The following CPNE8 variants were observed in gnomAD, a reference collection of about 807,000 sequenced individuals.
CPNE8 encodes the protein copine-8.
In CPNE8, 45 loss-of-function variants were observed where a neutral mutation model predicts 81.5. The observed-to-expected ratio is 0.55, with a 90% CI of 0.44 to 0.71. CPNE8 has a LOEUF of 0.71. CPNE8 is among the 30% of genes least tolerant of loss of function. The pLI is 0.00. For missense variants in CPNE8, 594 were observed against 672.1 expected (o/e 0.88, Z 1.28); for synonymous variants, 252 against 226.3 (o/e 1.11, Z -1.02).
intron 1 of CPNE8, among the ~76,000 whole-genome samples, chr12:38,894,667 C>G (rs1401342360): frequency 1.1e-4 from 1 of 8,998 alleles, no homozygotes; most frequent in Non-Finnish European, 2.9e-4. Context: ...CACTCTCTCT[C>G]TCTCTCTCTC....
chr12:38,674,360 C>A (rs1939242298), intron 18 of CPNE8, among the ~76,000 whole-genome samples: 1 of 152,086 alleles, frequency 6.6e-6, no homozygotes, highest in Non-Finnish European at 1.5e-5. Flanking sequence ...GTCTGAGAGA[C>A]CTGAGATATA....
intron 1 of CPNE8, among the ~76,000 whole-genome samples, chr12:38,895,371 G>A (rs1262135158): frequency 6.6e-6 from 1 of 151,854 alleles, no homozygotes; most frequent in African/African-American, 2.4e-5. Context: ...CAATTCCACT[G>A]GTAAATTTGA....
At chr12:38,896,445 A>G (rs1944390233) in intron 1 of CPNE8, among the ~76,000 whole-genome samples, 1 of 152,134 alleles carries the variant, frequency 6.6e-6, no homozygotes, top group Admixed American at 6.6e-5. Context: ...CCTTTTAAAT[A>G]CATCCTATTT....
At chr12:38,813,015 C>T (rs752104261) in intron 6 of CPNE8, among the ~76,000 whole-genome samples, 11 of 152,096 alleles carry the variant, frequency 7.2e-5, no homozygotes, top group African/African-American at 9.7e-5. Flanking sequence ...TGTGAGAATA[C>T]GGCCCACTGG....
intron 1 of CPNE8, among the ~76,000 whole-genome samples, chr12:38,901,714 C>CAAGGGGTT (rs1457455861): frequency 6.6e-6 from 1 of 152,142 alleles, no homozygotes; most frequent in Non-Finnish European, 1.5e-5. Context: ...CCCCTTAACA[C>CAAGGGGTT]AAATTTAAGT....
intron 10 of CPNE8, among the ~76,000 whole-genome samples, chr12:38,746,694 T>C (rs1941233230): frequency 6.6e-6 from 1 of 152,196 alleles, no homozygotes; most frequent in South Asian, 2.1e-4. Context: ...AAAACTAACA[T>C]ACATTGGAGA....
chr12:38,759,953 C>G (rs895793209), intron 10 of CPNE8, among the ~76,000 whole-genome samples: 1 of 152,132 alleles, frequency 6.6e-6, no homozygotes, highest in Non-Finnish European at 1.5e-5. Flanking sequence ...TTCAGGTATC[C>G]AGGCACTTTC....
intron 10 of CPNE8, among the ~76,000 whole-genome samples, chr12:38,760,457 G>C (rs182808974): frequency 6.8e-5 from 1 of 14,748 alleles, no homozygotes; most frequent in African/African-American, 2.0e-4. Context: ...ATATATGTGT[G>C]TGTATATAGG....
chr12:38,780,907 A>G (rs1461519098), intron 6 of CPNE8, among the ~76,000 whole-genome samples: 1 of 152,026 alleles, frequency 6.6e-6, no homozygotes, highest in African/African-American at 2.4e-5. Flanking sequence ...AGATGAAAAA[A>G]GAAAGAAGGA....
chr12:38,827,040 G>C (rs1033351009), intron 6 of CPNE8, among the ~76,000 whole-genome samples: 1 of 150,834 alleles, frequency 6.6e-6, no homozygotes, highest in Admixed American at 6.6e-5. Flanking sequence ...AAATTAGCAG[G>C]GTGCCACACG....
intron 10 of CPNE8, among the ~76,000 whole-genome samples, chr12:38,757,336 T>A (rs1297719993): frequency 6.6e-6 from 1 of 151,970 alleles, no homozygotes; most frequent in East Asian, 1.9e-4. Flanking sequence ...TTAAAAAATC[T>A]ACATTGGGCA....
intron 13 of CPNE8, among the ~76,000 whole-genome samples, chr12:38,703,214 C>A (rs1368060411): frequency 2.0e-5 from 3 of 152,082 alleles, no homozygotes; most frequent in African/African-American, 7.2e-5. Context: ...ACAAAGTAGT[C>A]AAACTGCAAA....
At chr12:38,788,150 A>G (rs1032013290) in intron 6 of CPNE8, among the ~76,000 whole-genome samples, 15 of 151,868 alleles carry the variant, frequency 9.9e-5, no homozygotes, top group African/African-American at 3.6e-4. Flanking sequence ...GCAGACAAAG[A>G]CACATCAAAA....
chr12:38,873,192 AG>A (rs1944017713), intron 2 of CPNE8, 142 bp from the exon 3 acceptor site: 2 of 568,322 alleles, frequency 3.5e-6, no homozygotes, highest in East Asian at 6.4e-5. Flanking sequence ...CAAAAAAAAA[AG>A]GCTAGTAAAT....
At chr12:38,849,297 C>A (rs564819145) in intron 3 of CPNE8, among the ~76,000 whole-genome samples, 31 of 152,278 alleles carry the variant, frequency 2.0e-4, no homozygotes, top group Non-Finnish European at 4.0e-4. Flanking sequence ...AAAAAATATT[C>A]CACTTTCTAG....
At chr12:38,770,663 C>T (rs779067989) in intron 7 of CPNE8, among the ~76,000 whole-genome samples, 1 of 152,156 alleles carries the variant, frequency 6.6e-6, no homozygotes, top group Non-Finnish European at 1.5e-5. Flanking sequence ...CTTCAACTGG[C>T]AATGTTTTAG....
chr12:38,717,458 T>TATAC (rs1339046227), intron 13 of CPNE8, among the ~76,000 whole-genome samples: 33 of 138,738 alleles, frequency 2.4e-4, no homozygotes, highest in African/African-American at 8.0e-4. Context: ...TATATATATA[T>TATAC]ACACCATGGA....
At chr12:38,712,155 C>A (rs1219221989) in intron 13 of CPNE8, among the ~76,000 whole-genome samples, 1 of 150,782 alleles carries the variant, frequency 6.6e-6, no homozygotes, top group Non-Finnish European at 1.5e-5. Flanking sequence ...ATGTTCTGGC[C>A]AGATGTGCTT....
chr12:38,739,036 C>G (rs1355770843), intron 10 of CPNE8, among the ~76,000 whole-genome samples: 2 of 152,042 alleles, frequency 1.3e-5, no homozygotes, highest in African/African-American at 4.8e-5. Context: ...TGGTGTCAAA[C>G]TCCTAGGCTC....
Sources: gnomAD v4.1 joint callset for allele counts (sites outside exome capture counted in the v4.1 genomes callset) on GRCh38, gnomAD v4.1.1 for gene constraint, MANE v1.5 for transcripts, NCBI Gene and HGNC (gene_info 2026-07-23, HGNC 2026-07-21) for gene names.